RNF24: variants seen among roughly 807,000 people sequenced by gnomAD.
RNF24 encodes ring finger protein 24.
Under a neutral mutation model 20.0 loss-of-function variants are expected in RNF24, and 14 were observed. That is an observed-to-expected ratio of 0.70 (90% CI 0.46 to 1.10). The LOEUF is 1.10. Ranked by LOEUF, RNF24 falls within the 50% of genes least tolerant of loss-of-function variation. The pLI is 0.00. For synonymous variants in RNF24, 45 were observed against 61.1 expected, an observed-to-expected ratio of 0.74 and a Z score of 1.23; for missense variants, 124 against 177.6, an observed-to-expected ratio of 0.70 and a Z score of 1.71.
Position 3,934,910 on chromosome 20 carries a change from C to A in RNF24, c.308+84G>T. The A allele has an allele frequency of 9.3e-7, 1 of 1,073,754 alleles. No individual in the cohort carries two copies. The highest frequency in any genetic ancestry group is 1.8e-5 in the Admixed American group (1 of 55,718). 66.5% of individuals were successfully genotyped at this position (1,073,754 alleles called of 1,614,324 possible). A position where few individuals can be genotyped will look rare whatever the true frequency, so the allele number is the denominator to read the frequency against. ...CCAATCATGAAGCCATCAAGCTTGTCTGGCACTGCCCTAAAACCCAAAAGA... is the reference window on the plus strand; with the variant it reads ...CCAATCATGAAGCCATCAAGCTTGTATGGCACTGCCCTAAAACCCAAAAGA... On this transcript the variant is annotated intron_variant, in intron 5 of 5. Transcript: ENST00000358395. This position sits in a 1 kb window ranked among gnomAD's most constrained non-coding sequence, Gnocchi z 4.0.
chr20:3,953,830 C>T (rs1287979625), intron 2 of RNF24, among the ~76,000 whole-genome samples: 4 of 150,402 alleles, frequency 2.7e-5, no homozygotes, highest in Non-Finnish European at 5.9e-5. Context: ...AATCTTGGCT[C>T]ACTGCAACCT....
chr20:3,977,617 G>A (rs997660553), intron 1 of RNF24, among the ~76,000 whole-genome samples: 2 of 152,114 alleles, frequency 1.3e-5, no homozygotes, highest in African/African-American at 4.8e-5. Flanking sequence ...TGTAATCCCA[G>A]GACTTTGGGA....
At chr20:3,993,093 A>G (rs1266987176) in intron 1 of RNF24, among the ~76,000 whole-genome samples, 1 of 152,102 alleles carries the variant, frequency 6.6e-6, no homozygotes, top group Admixed American at 6.5e-5. Flanking sequence ...ATTAATTTGG[A>G]TATTAATCAA....
chr20:3,941,839 C>T (rs538380379), intron 4 of RNF24, among the ~76,000 whole-genome samples: 10 of 152,136 alleles, frequency 6.6e-5, no homozygotes, highest in South Asian at 6.2e-4. Context: ...CCTAAGAGGC[C>T]GAGGGGGGCA....
chr20:3,976,190 A>G (rs1978852818), intron 1 of RNF24, among the ~76,000 whole-genome samples: 1 of 152,212 alleles, frequency 6.6e-6, no homozygotes, highest in Non-Finnish European at 1.5e-5. Flanking sequence ...AGGCAGCCCT[A>G]GGAAACAATT....
At chr20:3,949,949 G>T (rs1035916713) in intron 2 of RNF24, among the ~76,000 whole-genome samples, 1 of 152,070 alleles carries the variant, frequency 6.6e-6, no homozygotes, top group African/African-American at 2.4e-5. Flanking sequence ...TGATCCATCT[G>T]AAATTGGTCT....
chr20:3,993,639 A>C (rs1175837066), intron 1 of RNF24, among the ~76,000 whole-genome samples: 1 of 152,136 alleles, frequency 6.6e-6, no homozygotes, highest in African/African-American at 2.4e-5. Flanking sequence ...GCTGCCTTCC[A>C]TGGACCTTGA....
chr20:3,996,873 C>T (rs1336168569), intron 1 of RNF24, among the ~76,000 whole-genome samples: 3 of 152,094 alleles, frequency 2.0e-5, no homozygotes, highest in Non-Finnish European at 4.4e-5. Context: ...GGTAAAATGT[C>T]CCTGATGCCA....
At chr20:3,996,732 G>A (rs1191226728) in intron 1 of RNF24, among the ~76,000 whole-genome samples, 1 of 152,148 alleles carries the variant, frequency 6.6e-6, no homozygotes, top group African/African-American at 2.4e-5. Flanking sequence ...AATACTGACA[G>A]GTGCCTTCTA....
At chr20:3,970,702 A>G (rs1978319213) in intron 1 of RNF24, among the ~76,000 whole-genome samples, 1 of 152,182 alleles carries the variant, frequency 6.6e-6, no homozygotes, top group African/African-American at 2.4e-5. Context: ...TAAAAAAACT[A>G]AAACTAAGCG....
chr20:3,966,469 AGTGTGT>A (rs72006955), intron 1 of RNF24, among the ~76,000 whole-genome samples: 53 of 129,308 alleles, frequency 4.1e-4, no homozygotes, highest in South Asian at 1.3e-3. Context: ...TTAAGGCTTT[AGTGTGT>A]GTGTGTGTGT....
intron 1 of RNF24, among the ~76,000 whole-genome samples, chr20:3,972,840 T>C (rs1380657062): frequency 2.0e-5 from 3 of 151,802 alleles, no homozygotes; most frequent in South Asian, 2.1e-4. Context: ...GCGGCGGAGA[T>C]TGCAGTGAGC....
chr20:3,968,306 A>G (rs948879970), intron 1 of RNF24, among the ~76,000 whole-genome samples: 3 of 148,570 alleles, frequency 2.0e-5, no homozygotes, highest in African/African-American at 7.7e-5. Context: ...TCTCAAAGGA[A>G]AAAAAAAATG....
intron 2 of RNF24, among the ~76,000 whole-genome samples, chr20:3,951,996 T>C (rs1195775688): frequency 6.6e-6 from 1 of 152,186 alleles, no homozygotes; most frequent in African/African-American, 2.4e-5. Context: ...GAACTTGAGA[T>C]CTGGGTGCTT....
chr20:3,950,540 A>G (rs2091069401), intron 2 of RNF24, among the ~76,000 whole-genome samples: 2 of 152,230 alleles, frequency 1.3e-5, no homozygotes, highest in Non-Finnish European at 2.9e-5. Flanking sequence ...AATTGTAAGA[A>G]ATTACATTGC....
In RNF24 at chr20:3,929,336, C is replaced by G. The variant is rs2090784667; in HGVS notation, c.*4727G>C. The G allele has an allele frequency of 6.6e-6, 1 of 152,266 alleles. No homozygotes were observed. Among genetic ancestry groups the G allele is most frequent in the Non-Finnish European group, 1.5e-5 (1 of 68,116 alleles). The allele number at this position is 152,266 out of a possible 1,614,324, so 9.4% of individuals were successfully genotyped here. ...ATCACTTGAGTCCAGGAAGTTGAGGCTGCAGTGAGCTACAATGGTGCCACT... is the reference window on the plus strand; with the variant it reads ...ATCACTTGAGTCCAGGAAGTTGAGGGTGCAGTGAGCTACAATGGTGCCACT... On this transcript the variant is annotated 3_prime_UTR_variant, in exon 6 of 6. Coordinates refer to ENST00000358395, the MANE Select transcript of RNF24 (RefSeq NM_001134337.3).
intron 1 of RNF24, among the ~76,000 whole-genome samples, chr20:3,998,313 G>A (rs750310653): frequency 6.6e-6 from 1 of 151,830 alleles, no homozygotes; most frequent in Non-Finnish European, 1.5e-5. Context: ...TGTGGCTCAC[G>A]CCTGTAATCC....
In RNF24 at chr20:3,929,043, C is replaced by T. The variant is rs2090777035; in HGVS notation, c.*5020G>A. 6.6e-6 allele frequency: 1 copy of T among 152,050 alleles called. No individual in the cohort carries two copies. Among genetic ancestry groups the T allele is most frequent in the Non-Finnish European group, 1.5e-5 (1 of 68,068 alleles). 9.4% of individuals were successfully genotyped at this position (152,050 alleles called of 1,614,324 possible). A position where few individuals can be genotyped will look rare whatever the true frequency, so the allele number is the denominator to read the frequency against. ...TTTGTATTTTTAGTAGAGGGGGTTT[C>T]ACCATATTGGTCAGGCTGGTCTTGA... On this transcript the variant is annotated 3_prime_UTR_variant, in exon 6 of 6. Transcript: ENST00000358395.
rs1395023862 is a variant in RNF24 at position 3,929,995 on chromosome 20, G to C, written c.*4068C>G. 6.6e-6 allele frequency: 1 copy of C among 152,166 alleles called. No individual in the cohort carries two copies. Among genetic ancestry groups the C allele is most frequent in the East Asian group, 1.9e-4 (1 of 5,200 alleles). 9.4% of individuals were successfully genotyped at this position (152,166 alleles called of 1,614,324 possible). A position where few individuals can be genotyped will look rare whatever the true frequency, so the allele number is the denominator to read the frequency against. ...GTAGGAGCGTTCCTTGAATACACTT[G>C]TCTGGTATCACATGAGTAGAAAAGG... is the stretch of plus-strand genomic sequence containing the variant. On this transcript the variant is annotated 3_prime_UTR_variant, in exon 6 of 6. Transcript: ENST00000358395.
Sources: allele counts gnomAD v4.1 joint callset (sites outside exome capture counted in the v4.1 genomes callset), GRCh38; gene constraint gnomAD v4.1.1; non-coding constraint Gnocchi (gnomAD v3.1); transcripts MANE v1.5; gene names NCBI Gene and HGNC (gene_info 2026-07-23, HGNC 2026-07-21).